Variants in PRDM2 observed in about 807,000 individuals in gnomAD.
PRDM2 encodes the protein PR/SET domain 2.
Under a neutral mutation model 130.0 loss-of-function variants are expected in PRDM2, and 30 were observed. The observed-to-expected ratio is 0.23, with a 90% CI of 0.17 to 0.31. The LOEUF is 0.31. Among genes scored for constraint, PRDM2 ranks in the 10% least tolerant of loss-of-function variants. The pLI is 1.00. For missense variants in PRDM2, 2,011 were observed against 2,108.4 expected (o/e 0.95, Z 0.90); for synonymous variants, 871 against 782.4 (o/e 1.11, Z -1.89).
In PRDM2 at chr1:13,782,417, C is replaced by A. The variant is rs1644635248; in HGVS notation, c.4622C>A (p.Pro1541His). The A allele has an allele frequency of 6.2e-7, 1 of 1,613,960 alleles. No individual in the cohort carries two copies. Among genetic ancestry groups the A allele is most frequent in the Non-Finnish European group, 8.5e-7 (1 of 1,180,020 alleles). The change falls in exon 8 of 10, where the codon CCC becomes CAC. Residue 1541 changes from proline to histidine, a missense_variant. Coordinates refer to ENST00000311066, the MANE Select transcript of PRDM2 (RefSeq NM_001393986.1). The stretch of plus-strand genomic sequence containing the variant: ...AAGACCAGAGCCCGCAGCTCAGGCC[C>A]CACCCAAGTCCCACTTCCCTCCTCA... ...LGKTRARSSG[P>H]TQVPLPSSSF...
In PRDM2 at chr1:13,824,653, G is replaced by A. The variant is rs1391787439; in HGVS notation, c.*1518G>A. The A allele has an allele frequency of 2.0e-5, 3 of 152,098 alleles. No homozygotes were observed. Among genetic ancestry groups the A allele is most frequent in the African/African-American group, 7.2e-5 (3 of 41,394 alleles). The allele number at this position is 152,098 out of a possible 1,614,324, so 9.4% of individuals were successfully genotyped here. ...TTCATAAACTGGAATCCTTTCACCC[G>A]CTCCTACAGCTAACCCTCACAAGCA... On this transcript the variant is annotated 3_prime_UTR_variant, in exon 10 of 10. Transcript: ENST00000311066.
At chr1:13,739,249 G>A (rs1046928300) in intron 4 of PRDM2, among the ~76,000 whole-genome samples, 16 of 152,018 alleles carry the variant, frequency 1.1e-4, no homozygotes, top group South Asian at 2.1e-4. Flanking sequence ...GGGTTTCACC[G>A]TGTTAGCCAG....
chr1:13,788,415 C>G (rs537580156), intron 8 of PRDM2, among the ~76,000 whole-genome samples: 1 of 152,308 alleles, frequency 6.6e-6, no homozygotes, highest in East Asian at 1.9e-4. Context: ...ATGTTTATTT[C>G]TATGGGCTTC....
intron 8 of PRDM2, among the ~76,000 whole-genome samples, chr1:13,805,807 A>G (rs991466035): frequency 9.2e-5 from 14 of 152,192 alleles, no homozygotes; most frequent in African/African-American, 3.4e-4. Flanking sequence ...AGGAGGGACC[A>G]GGGCAGGCAG....
At chr1:13,710,157 T>A (rs1247639302) in intron 1 of PRDM2, among the ~76,000 whole-genome samples, 1 of 152,238 alleles carries the variant, frequency 6.6e-6, no homozygotes, top group Non-Finnish European at 1.5e-5. Flanking sequence ...TTACATGCAT[T>A]ACATTAATGC....
chr1:13,814,212 G>T (rs1478871246), intron 8 of PRDM2, among the ~76,000 whole-genome samples: 1 of 152,228 alleles, frequency 6.6e-6, no homozygotes, highest in Non-Finnish European at 1.5e-5. Flanking sequence ...GTTGGCGGGG[G>T]TGGCCACTAG....
intron 2 of PRDM2, among the ~76,000 whole-genome samples, chr1:13,717,712 G>A (rs1023640809): frequency 5.4e-5 from 8 of 148,882 alleles, no homozygotes; most frequent in South Asian, 2.1e-4. Context: ...TTATAATTTC[G>A]TTTTGCTTTT....
At chr1:13,750,336 A>T (rs1643783801) in intron 6 of PRDM2, among the ~76,000 whole-genome samples, 1 of 151,842 alleles carries the variant, frequency 6.6e-6, no homozygotes, top group Non-Finnish European at 1.5e-5. Flanking sequence ...GCCAAGGCAC[A>T]GTATGGTTAG....
intron 8 of PRDM2, among the ~76,000 whole-genome samples, chr1:13,796,483 C>T (rs926558810): frequency 1.1e-4 from 17 of 152,162 alleles, no homozygotes; most frequent in African/African-American, 4.1e-4. Context: ...TGACCAGATG[C>T]GGTGGCTCAC....
In PRDM2 at chr1:13,781,297, G is replaced by T. The variant is rs776915402; in HGVS notation, c.3502G>T (p.Val1168Leu). 6.2e-7 allele frequency: 1 copy of T among 1,614,108 alleles called. No individual in the cohort carries two copies. The highest frequency in any genetic ancestry group is 1.3e-5 in the African/African-American group (1 of 74,934). ...ATGGCCCTTCAAATGTGAATTTTGT[G>T]TGCAGCTTTTTAAGGATAAAACGGA... ...EEWPFKCEFC[V>L]QLFKDKTDLS... Residue 1168 changes from valine (V) to leucine (L), a missense_variant, in exon 8 of 10, where the codon GTG (valine) becomes TTG (leucine). By Grantham distance (32) the Val-to-Leu change is conservative. This residue lies in a region of PRDM2 where 229 missense variants were observed against 364.1 expected (regional missense o/e 0.63). Transcript: ENST00000311066. This position sits in a 1 kb window ranked among gnomAD's most constrained non-coding sequence, Gnocchi z 6.1.
intron 9 of PRDM2, among the ~76,000 whole-genome samples, chr1:13,822,461 T>G (rs1645368527): frequency 6.6e-6 from 1 of 151,240 alleles, no homozygotes; most frequent in South Asian, 2.1e-4. Context: ...AGTGGCGCGA[T>G]CTGGGATCAC....
intron 5 of PRDM2, among the ~76,000 whole-genome samples, 181 bp from the exon 6 acceptor site, chr1:13,749,180 T>G (rs1255661507): frequency 6.6e-6 from 1 of 151,420 alleles, no homozygotes; most frequent in Non-Finnish European, 1.5e-5. Flanking sequence ...CAGCAGAGGG[T>G]TCCGGGCGCC....
Position 13,781,989 on chromosome 1 carries a change from A to G in PRDM2, c.4194A>G (p.Gly1398=). ...NSGKNAFRRM[G]QPKRLNFSVE... ...GGAAAAATGCCTTCCGACGAATGGG[A>G]CAGCCCAAAAGGCTTAACTTTAGTG... is the stretch of plus-strand genomic sequence containing the variant. The change falls in exon 8 of 10, where the codon GGA becomes GGG. Residue 1398 remains glycine, a synonymous_variant. Coordinates refer to ENST00000311066, the MANE Select transcript of PRDM2 (RefSeq NM_001393986.1). The surrounding 1 kb of genome is among the most constrained non-coding windows in gnomAD (Gnocchi z 6.1). The G allele has an allele frequency of 6.2e-7, 1 of 1,614,248 alleles. No homozygotes were observed. The highest frequency in any genetic ancestry group is 1.6e-4 in the Middle Eastern group (1 of 6,062).
At chr1:13,705,636 T>A (rs1362312522) in intron 1 of PRDM2, 2 of 152,144 alleles carry the variant, frequency 1.3e-5, no homozygotes, top group Non-Finnish European at 2.9e-5. Flanking sequence ...TTCTTCCACT[T>A]GAGACTGAGG....
Position 13,779,204 on chromosome 1 carries a change from C to T in PRDM2, c.1409C>T (p.Ser470Phe). 1.9e-6 allele frequency: 3 copies of T among 1,614,192 alleles called. No individual in the cohort carries two copies. The highest frequency in any genetic ancestry group is 2.5e-6 in the Non-Finnish European group (3 of 1,180,032). Reference sequence around the variant, plus strand: ...AAGGCTTCCCAAGACACAATAAATTCTTCTGTCGTAGAAGAGAATGGGGAA... The same window carrying T: ...AAGGCTTCCCAAGACACAATAAATTTTTCTGTCGTAGAAGAGAATGGGGAA... ...SEKASQDTIN[S>F]SVVEENGEVK... The change falls in exon 8 of 10, where the codon TCT (serine) becomes TTT (phenylalanine). Residue 470 changes from serine to phenylalanine, a missense_variant. By Grantham distance (155) the Ser-to-Phe change is radical. Around this residue, in one of 5 missense-constraint regions of PRDM2, gnomAD observed 1,288 missense variants for 1,237.7 expected, o/e 1.04. Coordinates refer to ENST00000311066, the MANE Select transcript of PRDM2 (RefSeq NM_001393986.1). The surrounding 1 kb of genome is among the most constrained non-coding windows in gnomAD (Gnocchi z 4.9).
At chr1:13,745,850 G>C (rs969650541) in intron 5 of PRDM2, among the ~76,000 whole-genome samples, 1 of 152,130 alleles carries the variant, frequency 6.6e-6, no homozygotes, top group African/African-American at 2.4e-5. Context: ...CTTAAGTGCT[G>C]TTCACCCACT....
chr1:13,746,952 ATTCTGGTGTGT>A (rs896246374), intron 5 of PRDM2, among the ~76,000 whole-genome samples: 6 of 152,206 alleles, frequency 3.9e-5, no homozygotes, highest in African/African-American at 1.4e-4. Context: ...TGTGATACAG[ATTCTGGTGTGT>A]TTTTACTTTG....
chr1:13,778,038 C>A (rs1435763626), intron 7 of PRDM2, among the ~76,000 whole-genome samples: 1 of 152,134 alleles, frequency 6.6e-6, no homozygotes, highest in Non-Finnish European at 1.5e-5. Context: ...TTTACAACTA[C>A]TCCTAAAATG....
intron 2 of PRDM2, among the ~76,000 whole-genome samples, chr1:13,716,531 G>A (rs12049438): frequency 0.17 from 26,366 of 152,022 alleles, 2,890 homozygotes; most frequent in Admixed American, 0.24. Flanking sequence ...TTAAGCATTT[G>A]TCCTTGAAAA....
Sources: allele counts gnomAD v4.1 joint callset (sites outside exome capture counted in the v4.1 genomes callset), GRCh38; gene constraint gnomAD v4.1.1; regional missense constraint gnomAD v4.1.1; non-coding constraint Gnocchi (gnomAD v3.1); transcripts MANE v1.5; gene names NCBI Gene and HGNC (gene_info 2026-07-23, HGNC 2026-07-21).